Variants in RIC1 observed in about 807,000 individuals in gnomAD.
RIC1 encodes RIC1 partner of RAB6A GEF complex.
A neutral mutation model predicts 169.0 loss-of-function variants in RIC1; 88 were observed. The observed-to-expected ratio is 0.52, with a 90% CI of 0.44 to 0.62. RIC1 has a LOEUF of 0.62. RIC1 is among the 20% of genes least tolerant of loss of function. RIC1 has a pLI of 0.00. For missense variants in RIC1, 1,877 were observed against 1,725.5 expected (o/e 1.09, Z -1.56); for synonymous variants, 790 against 601.5 (o/e 1.31, Z -4.59).
At chr9:5,696,986 C>G (rs575491145) in intron 3 of RIC1, among the ~76,000 whole-genome samples, 62 of 152,320 alleles carry the variant, frequency 4.1e-4, no homozygotes, top group African/African-American at 1.4e-3. Flanking sequence ...AAGAAGGTCT[C>G]TCCATTCTGG....
intron 4 of RIC1, among the ~76,000 whole-genome samples, chr9:5,714,596 A>T (rs1476445601): frequency 6.6e-6 from 1 of 152,088 alleles, no homozygotes; most frequent in African/African-American, 2.4e-5. Flanking sequence ...TGTAGATATA[A>T]GAAAATTTAT....
chr9:5,748,675 G>T (rs962370826), intron 12 of RIC1: 3 of 152,576 alleles, frequency 2.0e-5, no homozygotes, highest in Non-Finnish European at 4.4e-5. Context: ...AGCCAGGTCT[G>T]TGTTACCAGA....
chr9:5,658,812 G>A (rs887185291), intron 2 of RIC1, among the ~76,000 whole-genome samples: 1 of 148,974 alleles, frequency 6.7e-6, no homozygotes, highest in South Asian at 2.1e-4. Flanking sequence ...AAAGTTTATT[G>A]GAAAGTTTTT....
intron 17 of RIC1, among the ~76,000 whole-genome samples, chr9:5,760,940 C>A (rs1168695972): frequency 6.6e-6 from 1 of 152,042 alleles, no homozygotes; most frequent in South Asian, 2.1e-4. Context: ...CTCACTCTTT[C>A]CTCCCTGAAA....
intron 2 of RIC1, among the ~76,000 whole-genome samples, chr9:5,687,268 A>G (rs1821307829): frequency 1.3e-5 from 2 of 152,152 alleles, no homozygotes; most frequent in East Asian, 1.9e-4. Context: ...TTCTAAAACA[A>G]TAACAAAAGA....
intron 25 of RIC1, 120 bp downstream of exon 25, chr9:5,773,200 T>G (rs577651681): frequency 3.4e-4 from 118 of 342,916 alleles, no homozygotes; most frequent in Non-Finnish European, 4.8e-4. Context: ...TATATATTAT[T>G]TATTATATGT....
intron 1 of RIC1, among the ~76,000 whole-genome samples, chr9:5,645,467 A>T (rs1320565257): frequency 6.6e-6 from 1 of 152,206 alleles, no homozygotes; most frequent in Non-Finnish European, 1.5e-5. Context: ...TCACATTATC[A>T]TGTAACCATT....
chr9:5,726,062 A>G (rs1254540832), intron 6 of RIC1, among the ~76,000 whole-genome samples: 10 of 152,184 alleles, frequency 6.6e-5, no homozygotes, highest in African/African-American at 2.2e-4. Flanking sequence ...GTAGATGTCT[A>G]TTAGGACCAC....
intron 2 of RIC1, among the ~76,000 whole-genome samples, chr9:5,676,332 T>C (rs1230082733): frequency 1.3e-5 from 2 of 152,358 alleles, no homozygotes; most frequent in Non-Finnish European, 2.9e-5. Context: ...ATGAAATATA[T>C]TGAATATGAA....
At chr9:5,664,451 T>G (rs1388019925) in intron 2 of RIC1, among the ~76,000 whole-genome samples, 3 of 152,118 alleles carry the variant, frequency 2.0e-5, no homozygotes, top group Non-Finnish European at 4.4e-5. Flanking sequence ...CAATCTCTTC[T>G]GGCTTTTAGG....
Position 5,629,242 on chromosome 9 carries a change from G to A in RIC1, c.-68G>A. 1.1e-5 allele frequency: 14 copies of A among 1,299,402 alleles called. No individual in the cohort carries two copies. The highest frequency in any genetic ancestry group is 1.4e-5 in the Non-Finnish European group (14 of 1,021,012). 80.5% of individuals were successfully genotyped at this position (1,299,402 alleles called of 1,614,324 possible). On this transcript the variant is annotated 5_prime_UTR_variant, in exon 1 of 26. Coordinates refer to ENST00000414202, the MANE Select transcript of RIC1 (RefSeq NM_020829.4). ...CTCGGCCGGTGGCGGTGTGGGAGGT[G>A]GGCGACCAGCCCGGGGCCGCTGAGT...
At chr9:5,769,597 T>C in intron 22 of RIC1, 1 of 574,784 alleles carries the variant, frequency 1.7e-6, no homozygotes, top group Non-Finnish European at 2.7e-6. Flanking sequence ...GACCTCAAAG[T>C]AAGCTGACAG....
At chr9:5,665,661 T>C (rs936787470) in intron 2 of RIC1, among the ~76,000 whole-genome samples, 6 of 152,200 alleles carry the variant, frequency 3.9e-5, no homozygotes, top group Non-Finnish European at 8.8e-5. Context: ...GTTTTCTGTT[T>C]GTTTTTCTTT....
intron 2 of RIC1, among the ~76,000 whole-genome samples, chr9:5,674,840 T>A (rs1370717014): frequency 6.6e-6 from 1 of 152,200 alleles, no homozygotes; most frequent in Non-Finnish European, 1.5e-5. Context: ...AGACTGTCAC[T>A]GTGATTCTGT....
intron 12 of RIC1, 141 bp downstream of exon 12, chr9:5,747,646 C>T: frequency 2.7e-6 from 2 of 737,072 alleles, no homozygotes; most frequent in Non-Finnish European, 2.3e-6. Flanking sequence ...TTCTGCTTTT[C>T]TGTGTTCTTG....
chr9:5,754,852 G>C lies in RIC1; in HGVS notation c.1614G>C (p.Met538Ile). Residue 538 changes from methionine to isoleucine, a missense_variant, in exon 15 of 26, where the codon ATG (methionine) becomes ATC (isoleucine). Met to Ile is a conservative substitution (Grantham distance 10). Coordinates refer to ENST00000414202, the MANE Select transcript of RIC1 (RefSeq NM_020829.4). ...ATTTTTATTTTAAGGAGCAAAATATGATCGTGACAGGTGGCTTAGCCTGGT... is the reference window on the plus strand; with the variant it reads ...ATTTTTATTTTAAGGAGCAAAATATCATCGTGACAGGTGGCTTAGCCTGGT... ...LFGNITQEQN[M>I]IVTGGLAWWN... The C allele has an allele frequency of 3.2e-6, 5 of 1,565,888 alleles. No individual in the cohort carries two copies. The highest frequency in any genetic ancestry group is 4.4e-6 in the Non-Finnish European group (5 of 1,148,914).
chr9:5,632,566 T>G (rs1406704125), intron 1 of RIC1, among the ~76,000 whole-genome samples: 1 of 152,148 alleles, frequency 6.6e-6, no homozygotes, highest in Non-Finnish European at 1.5e-5. Flanking sequence ...CCCAATATTA[T>G]ATTTTGGAGC....
intron 2 of RIC1, among the ~76,000 whole-genome samples, chr9:5,683,196 C>T (rs149011869): frequency 4.6e-5 from 7 of 152,308 alleles, no homozygotes; most frequent in South Asian, 4.1e-4. Context: ...TGAGGAGCTG[C>T]GTTCCTTTGG....
At chr9:5,753,146 T>C in intron 12 of RIC1, 54 bp from the exon 13 acceptor site, 2 of 1,485,084 alleles carry the variant, frequency 1.3e-6, no homozygotes, top group Non-Finnish European at 1.9e-6. Context: ...CTTAATGCTT[T>C]AAGTTTAAAT....
Sources: gnomAD v4.1 joint callset for allele counts (sites outside exome capture counted in the v4.1 genomes callset) on GRCh38, gnomAD v4.1.1 for gene constraint, MANE v1.5 for transcripts, NCBI Gene and HGNC (gene_info 2026-07-23, HGNC 2026-07-21) for gene names.